The following CERS6 variants were observed in gnomAD, a reference collection of about 807,000 sequenced individuals.
CERS6 encodes ceramide synthase 6.
In CERS6, 26 loss-of-function variants were observed where a neutral mutation model predicts 56.8. The observed-to-expected ratio is 0.46, with a 90% CI of 0.34 to 0.63. CERS6 has a LOEUF of 0.63. CERS6 is among the 30% of genes least tolerant of loss of function. The probability of loss-of-function intolerance (pLI) is 0.01; values close to 1 mark genes in which losing one functional copy is unlikely to be tolerated. For missense variants in CERS6, 415 were observed against 467.5 expected, an observed-to-expected ratio of 0.89 and a Z score of 1.04; for synonymous variants, 164 against 173.3, an observed-to-expected ratio of 0.95 and a Z score of 0.42.
intron 4 of CERS6, among the ~76,000 whole-genome samples, chr2:168,682,359 C>T (rs905485795): frequency 1.3e-5 from 2 of 152,126 alleles, no homozygotes; most frequent in East Asian, 3.9e-4. Flanking sequence ...CAGAGATTAC[C>T]ACTAAGCAAT....
chr2:168,553,453 C>CT (rs201172380), intron 2 of CERS6, among the ~76,000 whole-genome samples: 2,201 of 152,190 alleles, frequency 0.014, 168 homozygotes, highest in Admixed American at 0.13. Context: ...TAAAGAAATA[C>CT]TTCACTGAGC....
intron 8 of CERS6, among the ~76,000 whole-genome samples, chr2:168,749,839 T>C (rs2105443385): frequency 1.3e-5 from 2 of 152,348 alleles, no homozygotes; most frequent in South Asian, 4.1e-4. Context: ...AACAGCTTTA[T>C]TGAAGAGGCA....
Position 168,511,104 on chromosome 2 carries a change from G to A in CERS6, c.171-36492G>A, listed in dbSNP as rs147213350. On this transcript the variant is annotated intron_variant, in intron 1 of 9. Coordinates refer to ENST00000305747, the MANE Select transcript of CERS6 (RefSeq NM_203463.3). ...TCTTGCTGCCTCTTTCCATTCTCCT[G>A]TCCCAATCTGGAGTAATTGATTTTC... Among the ~76,000 whole-genome samples, 1,041 of 152,122 alleles carry A rather than the reference G, an allele frequency of 6.8e-3. 12 individuals carry two copies. The highest frequency in any genetic ancestry group is 0.024 in the African/African-American group (1,004 of 41,478).
chr2:168,743,147 C>CATATATATATATAT (rs148464862), intron 8 of CERS6, among the ~76,000 whole-genome samples: 10 of 146,044 alleles, frequency 6.8e-5, no homozygotes, highest in African/African-American at 2.5e-4. Context: ...TGTCTATATT[C>CATATATATATATAT]ATATATATAT....
chr2:168,675,919 T>G (rs990790486), intron 4 of CERS6, among the ~76,000 whole-genome samples: 6 of 152,080 alleles, frequency 3.9e-5, no homozygotes, highest in African/African-American at 1.4e-4. Context: ...TCTCTTGACC[T>G]TGTGATCTGC....
intron 3 of CERS6, among the ~76,000 whole-genome samples, chr2:168,610,497 G>A (rs559273248): frequency 2.2e-4 from 33 of 152,152 alleles, no homozygotes; most frequent in Non-Finnish European, 3.8e-4. Flanking sequence ...ATAACAAATA[G>A]AATGTATTTG....
intron 3 of CERS6, among the ~76,000 whole-genome samples, chr2:168,624,116 G>T (rs1054024961): frequency 6.6e-6 from 1 of 152,110 alleles, no homozygotes; most frequent in Non-Finnish European, 1.5e-5. Context: ...TGCATTCAGT[G>T]AGCTGTTTTT....
At chr2:168,764,938 AT>A (rs1684688096) in intron 8 of CERS6, among the ~76,000 whole-genome samples, 1 of 152,224 alleles carries the variant, frequency 6.6e-6, no homozygotes, top group South Asian at 2.1e-4. Context: ...TAGTAGCATT[AT>A]TTGCAATGGC....
chr2:168,598,643 A>G (rs1461679294), intron 3 of CERS6, among the ~76,000 whole-genome samples: 1 of 152,196 alleles, frequency 6.6e-6, no homozygotes, highest in African/African-American at 2.4e-5. Flanking sequence ...GTGAAAAAAA[A>G]GGTCCCAATT....
intron 1 of CERS6, among the ~76,000 whole-genome samples, chr2:168,508,584 C>T (rs1045996177): frequency 2.0e-5 from 3 of 152,062 alleles, no homozygotes; most frequent in Non-Finnish European, 4.4e-5. Flanking sequence ...AGCTGGAAAC[C>T]ATCATTCTCA....
intron 8 of CERS6, among the ~76,000 whole-genome samples, chr2:168,726,507 A>C (rs895591157): frequency 6.6e-6 from 1 of 152,224 alleles, no homozygotes; most frequent in Non-Finnish European, 1.5e-5. Context: ...AGAAAGGAGA[A>C]AATTCACAAA....
intron 8 of CERS6, among the ~76,000 whole-genome samples, chr2:168,733,282 G>A (rs759272353): frequency 1.8e-4 from 27 of 152,054 alleles, no homozygotes; most frequent in Admixed American, 3.9e-4. Flanking sequence ...CAACAAATAG[G>A]CCTTAAAACT....
Position 168,456,746 on chromosome 2 carries a change from C to T in CERS6, c.170+128C>T, listed in dbSNP as rs1370461563. The T allele has an allele frequency of 1.9e-5, 16 of 863,236 alleles. No homozygotes were observed. Among genetic ancestry groups the T allele is most frequent in the Non-Finnish European group, 2.8e-5 (16 of 564,008 alleles). The allele number at this position is 863,236 out of a possible 1,614,324, so 53.5% of individuals were successfully genotyped here. On this transcript the variant is annotated intron_variant, in intron 1 of 9. Coordinates refer to ENST00000305747, the MANE Select transcript of CERS6 (RefSeq NM_203463.3). This position sits in a 1 kb window ranked among gnomAD's most constrained non-coding sequence, Gnocchi z 4.1. ...GTTCACGCCTCCCAACCTTTGTGTT[C>T]GGGGAGGGGTTGCTGACCCCCCTGC...
chr2:168,644,933 A>T (rs550511571), intron 4 of CERS6, among the ~76,000 whole-genome samples: 1 of 150,694 alleles, frequency 6.6e-6, no homozygotes, highest in East Asian at 2.0e-4. Context: ...CTCTATTAAA[A>T]ATACAAAAAT....
rs143792461 is a variant in CERS6 at position 168,729,703 on chromosome 2, C to T, written c.845+11725C>T. 7.3e-3 allele frequency among the ~76,000 whole-genome samples: 1,115 copies of T among 152,304 alleles called. 11 individuals are homozygous for T. The highest frequency in any genetic ancestry group is 0.025 in the African/African-American group (1,022 of 41,570). On this transcript the variant is annotated intron_variant, in intron 8 of 9. Transcript: ENST00000305747. ...TCTGATGGCAGTGTTGCCAAGGAGA[C>T]GGAACCACAGGATCATTGGCATCCC...
At chr2:168,635,668 AT>A (rs1684845943) in intron 4 of CERS6, among the ~76,000 whole-genome samples, 2 of 152,158 alleles carry the variant, frequency 1.3e-5, no homozygotes, top group African/African-American at 4.8e-5. Context: ...ATTTTATTAC[AT>A]TTTTAAAACA....
chr2:168,508,679 G>A (rs557533054), intron 1 of CERS6, among the ~76,000 whole-genome samples: 1 of 151,996 alleles, frequency 6.6e-6, no homozygotes, highest in African/African-American at 2.4e-5. Context: ...CATGGACACA[G>A]GGAGGGGAAC....
At chr2:168,607,072 A>G (rs1684069623) in intron 3 of CERS6, among the ~76,000 whole-genome samples, 1 of 152,208 alleles carries the variant, frequency 6.6e-6, no homozygotes, top group African/African-American at 2.4e-5. Context: ...ATTTCTTTAT[A>G]GCAATGCAAG....
chr2:168,579,323 T>C (rs549372284), intron 3 of CERS6, among the ~76,000 whole-genome samples: 1 of 152,086 alleles, frequency 6.6e-6, no homozygotes, highest in Admixed American at 6.5e-5. Context: ...ATAAAACATA[T>C]GGGATATAGG....
Sources: allele counts gnomAD v4.1 joint callset (sites outside exome capture counted in the v4.1 genomes callset), GRCh38; gene constraint gnomAD v4.1.1; non-coding constraint Gnocchi (gnomAD v3.1); transcripts MANE v1.5; gene names NCBI Gene and HGNC (gene_info 2026-07-23, HGNC 2026-07-21).